DCLK1: variants seen among roughly 807,000 people sequenced by gnomAD.
The protein encoded by DCLK1 is doublecortin like kinase 1.
Under a neutral mutation model 86.2 loss-of-function variants are expected in DCLK1, and 16 were observed. That is an observed-to-expected ratio of 0.19 (90% CI 0.13 to 0.28). DCLK1 has a LOEUF of 0.28. Ranked by LOEUF, DCLK1 falls within the 10% of genes least tolerant of loss-of-function variation. DCLK1 has a pLI of 1.00. For missense variants in DCLK1, 590 were observed against 940.2 expected, an observed-to-expected ratio of 0.63 and a Z score of 4.87; for synonymous variants, 369 against 370.5, an observed-to-expected ratio of 1.00 and a Z score of 0.05.
chr13:36,097,954 C>T (rs1170008347), intron 3 of DCLK1, among the ~76,000 whole-genome samples: 1 of 152,120 alleles, frequency 6.6e-6, no homozygotes, highest in Non-Finnish European at 1.5e-5. Context: ...TCTGCCTTGA[C>T]CAGGTACTAA....
chr13:36,074,898 G>A lies in DCLK1; in HGVS notation c.723+36971C>T, dbSNP rs567214848. On this transcript the variant is annotated intron_variant, in intron 3 of 16. Coordinates refer to ENST00000360631, the MANE Select transcript of DCLK1 (RefSeq NM_001330071.2). Reference sequence around the variant, plus strand: ...GACAACTGGGTTTCCAAGGAAACCAGAAAGCCCAATTTATAAAACTATGAA... The same window carrying A: ...GACAACTGGGTTTCCAAGGAAACCAAAAAGCCCAATTTATAAAACTATGAA... Among the ~76,000 whole-genome samples, 145 of 152,328 alleles carry A rather than the reference G, an allele frequency of 9.5e-4. 1 individual carries two copies. The highest frequency in any genetic ancestry group is 1.5e-3 in the Non-Finnish European group (105 of 68,036).
intron 2 of DCLK1, among the ~76,000 whole-genome samples, chr13:36,118,752 A>C (rs570664122): frequency 4.1e-4 from 62 of 152,300 alleles, no homozygotes; most frequent in Middle Eastern, 3.4e-3. Context: ...CTGCTATAAC[A>C]AAAGACCATC....
rs146878594 is a variant in DCLK1, at chr13:36,062,531, T to C, written c.723+49338A>G. ...TTTGAATCCCAGCTATCACTTAATA[T>C]ACCTCTTTAAAAGTTAAACCTGTTG... On this transcript the variant is annotated intron_variant, in intron 3 of 16. Transcript: ENST00000360631. Among the ~76,000 whole-genome samples the C allele has an allele frequency of 2.8e-3, 433 of 152,324 alleles. 1 individual carries two copies. Among genetic ancestry groups the C allele is most frequent in the Non-Finnish European group, 4.2e-3 (284 of 68,026 alleles).
At chr13:35,896,585 T>A (rs1874006205) in intron 4 of DCLK1, among the ~76,000 whole-genome samples, 1 of 71,078 alleles carries the variant, frequency 1.4e-5, no homozygotes, top group African/African-American at 3.8e-5. Context: ...TAGAACTTGA[T>A]ATATAGAAAA....
chr13:36,090,719 G>C (rs375180897), intron 3 of DCLK1, among the ~76,000 whole-genome samples: 1 of 152,130 alleles, frequency 6.6e-6, no homozygotes, highest in Non-Finnish European at 1.5e-5. Context: ...TGGGCAGATC[G>C]GAGGAGCCAC....
chr13:36,045,846 C>T (rs547647353), intron 3 of DCLK1, among the ~76,000 whole-genome samples: 2 of 150,558 alleles, frequency 1.3e-5, no homozygotes, highest in East Asian at 3.9e-4. Context: ...GAGCAAGACT[C>T]CAAGTCAAGA....
chr13:36,131,086 C>G (rs1886347461), intron 1 of DCLK1, 28 bp downstream of exon 1: 1 of 150,568 alleles, frequency 6.6e-6, no homozygotes, highest in Admixed American at 6.6e-5. Flanking sequence ...CCCGCAGCTC[C>G]CGTCCCCAGG....
chr13:35,828,172 A>G, intron 9 of DCLK1, 78 bp downstream of exon 9: 1 of 1,220,238 alleles, frequency 8.2e-7, no homozygotes, highest in Non-Finnish European at 1.2e-6. Context: ...GTGAACTTGT[A>G]TTTGTTTGGG....
chr13:35,874,313 T>C (rs1296285658), intron 4 of DCLK1, among the ~76,000 whole-genome samples: 1 of 152,208 alleles, frequency 6.6e-6, no homozygotes, highest in East Asian at 1.9e-4. Context: ...TAAGAAAAGA[T>C]GTGAGTTTAT....
At chr13:35,949,613 C>G (rs941114733) in intron 3 of DCLK1, among the ~76,000 whole-genome samples, 1 of 152,190 alleles carries the variant, frequency 6.6e-6, no homozygotes, top group South Asian at 2.1e-4. Context: ...CCACTCCCAC[C>G]ATTTGCATTT....
chr13:36,131,192 G>T lies in DCLK1; in HGVS notation c.-98C>A, dbSNP rs895705202. ...TCCTGGTGCTGTCCTCGCCGGGCTG[G>T]GCGCGGCCGGGGCTGCGGGGCTGCA... On this transcript the variant is annotated 5_prime_UTR_variant, in exon 1 of 17. Transcript: ENST00000360631. 1.3e-5 allele frequency: 2 copies of T among 152,020 alleles called. No homozygotes were observed. The highest frequency in any genetic ancestry group is 3.9e-4 in the East Asian group (2 of 5,132). The allele number at this position is 152,020 out of a possible 1,614,324, so 9.4% of individuals were successfully genotyped here. A position where few individuals can be genotyped will look rare whatever the true frequency, so the allele number is the denominator to read the frequency against.
At chr13:36,062,954 T>C (rs1179445606) in intron 3 of DCLK1, among the ~76,000 whole-genome samples, 2 of 152,186 alleles carry the variant, frequency 1.3e-5, no homozygotes, top group Non-Finnish European at 2.9e-5. Context: ...GAGATGACCA[T>C]AATGCAAGGT....
Position 35,854,531 on chromosome 13 carries a change from G to A in DCLK1, c.1003C>T (p.Pro335Ser), listed in dbSNP as rs1281500583. ...TTCCGCAGGCTTCCTGGGCTGGTGG[G>A]TGATGGGCTTGGCGACTTGCCTGAG... is the stretch of plus-strand genomic sequence containing the variant. ...PRSGKSPSPS[P>S]TSPGSLRKQR... Residue 335 changes from proline to serine, a missense_variant, in exon 6 of 17, where the codon CCC becomes TCC. By Grantham distance (74) the Pro-to-Ser change is moderately conservative (BLOSUM62 -1). This residue lies in a region of DCLK1 where 63 missense variants were observed against 64.3 expected (regional missense o/e 0.98). Transcript: ENST00000360631. The A allele has an allele frequency of 1.9e-6, 3 of 1,605,004 alleles. No homozygotes were observed. Among genetic ancestry groups the A allele is most frequent in the Non-Finnish European group, 2.6e-6 (3 of 1,175,216 alleles).
intron 4 of DCLK1, among the ~76,000 whole-genome samples, chr13:35,879,820 T>C (rs1483195324): frequency 6.6e-6 from 1 of 152,190 alleles, no homozygotes; most frequent in South Asian, 2.1e-4. Context: ...TCATTTGCAC[T>C]TTTTTGTGCC....
At chr13:36,083,833 T>C (rs1566674408) in intron 3 of DCLK1, among the ~76,000 whole-genome samples, 1 of 152,264 alleles carries the variant, frequency 6.6e-6, no homozygotes, top group East Asian at 1.9e-4. Context: ...AGAGAAAACT[T>C]TTTCTTTAAG....
At chr13:35,914,148 G>A (rs1037682021) in intron 4 of DCLK1, among the ~76,000 whole-genome samples, 14 of 151,192 alleles carry the variant, frequency 9.3e-5, no homozygotes, top group South Asian at 4.2e-4. Flanking sequence ...TGAGACACGC[G>A]TCTCTACAAA....
intron 5 of DCLK1, among the ~76,000 whole-genome samples, chr13:35,861,950 T>C (rs1044930031): frequency 7.1e-6 from 1 of 140,180 alleles, no homozygotes; most frequent in African/African-American, 2.6e-5. Context: ...GAGAATGGCA[T>C]GAACCCAGGA....
At chr13:35,788,844 A>G (rs2086663023) in intron 16 of DCLK1, among the ~76,000 whole-genome samples, 1 of 152,234 alleles carries the variant, frequency 6.6e-6, no homozygotes, top group Non-Finnish European at 1.5e-5. Context: ...TATAAAAGGT[A>G]TATGATCTAA....
intron 1 of DCLK1, among the ~76,000 whole-genome samples, chr13:36,128,504 A>G (rs1488932977): frequency 6.6e-6 from 1 of 152,178 alleles, no homozygotes; most frequent in Non-Finnish European, 1.5e-5. Context: ...GACAGGCCAC[A>G]TAACTGATCC....
Sources: gnomAD v4.1 joint callset for allele counts (sites outside exome capture counted in the v4.1 genomes callset) on GRCh38, gnomAD v4.1.1 for gene constraint, gnomAD v4.1.1 regional missense constraint, MANE v1.5 for transcripts, NCBI Gene and HGNC (gene_info 2026-07-23, HGNC 2026-07-21) for gene names.